ACTR3C: variants seen among roughly 807,000 people sequenced by gnomAD.
The protein encoded by ACTR3C is actin related protein 3C, also known as actin-related protein 3C.
In ACTR3C, 18 loss-of-function variants were observed where a neutral mutation model predicts 26.3. That is an observed-to-expected ratio of 0.68 (90% CI 0.47 to 1.01). The LOEUF (loss-of-function observed/expected upper bound fraction) is 1.01. Ranked by LOEUF, ACTR3C falls within the 50% of genes least tolerant of loss-of-function variation. The probability of loss-of-function intolerance (pLI) is 0.00; values close to 1 mark genes in which losing one functional copy is unlikely to be tolerated. For synonymous variants in ACTR3C, 55 were observed against 94.5 expected (o/e 0.58, Z 2.42); for missense variants, 184 against 250.7 (o/e 0.73, Z 1.80).
chr7:150,227,688 G>GTTTTTTTTTT, the ACTR3C span, among the ~76,000 whole-genome samples: 39 of 111,368 alleles, frequency 3.5e-4, no homozygotes, highest in African/African-American at 1.1e-3. Context: ...TTGTGTCTGG[G>GTTTTTTTTTT]TTTTTTTTTT....
chr7:149,904,770 A>G, the ACTR3C span, among the ~76,000 whole-genome samples: 2 of 150,638 alleles, frequency 1.3e-5, no homozygotes, highest in African/African-American at 4.9e-5. Flanking sequence ...CCAAGGCAGG[A>G]GGATCATGAG....
At chr7:150,198,500 C>T in the ACTR3C span, among the ~76,000 whole-genome samples, 303 of 144,776 alleles carry the variant, frequency 2.1e-3, 5 homozygotes, top group African/African-American at 7.7e-3. Context: ...CCCGCCGCCC[C>T]ATCTGGGATG....
At chr7:150,309,492 G>T (rs925629209) in intron 1 of ACTR3C, among the ~76,000 whole-genome samples, 2 of 152,188 alleles carry the variant, frequency 1.3e-5, no homozygotes, top group African/African-American at 4.8e-5. Context: ...AAGCGGCAAC[G>T]CATTTCAGAG....
chr7:150,299,872 G>A (rs566784464), intron 1 of ACTR3C, among the ~76,000 whole-genome samples: 2 of 152,152 alleles, frequency 1.3e-5, no homozygotes, highest in African/African-American at 4.8e-5. Context: ...AGATGGAAAA[G>A]TTCTAGAATC....
the ACTR3C span, among the ~76,000 whole-genome samples, chr7:150,080,179 CT>C: frequency 1.4e-4 from 22 of 151,772 alleles, no homozygotes; most frequent in African/African-American, 4.8e-4. Flanking sequence ...CTAGGCTAAT[CT>C]TTTAATGTTC....
the ACTR3C span, among the ~76,000 whole-genome samples, chr7:150,169,907 T>C: frequency 6.6e-6 from 1 of 150,636 alleles, no homozygotes; most frequent in African/African-American, 2.5e-5. Flanking sequence ...TTTCCCCGTT[T>C]TCTTCTTCTC....
the ACTR3C span, among the ~76,000 whole-genome samples, chr7:150,076,824 ATT>A: frequency 5.1e-4 from 78 of 152,276 alleles, no homozygotes; most frequent in African/African-American, 1.9e-3. Flanking sequence ...ATTCCAAAGT[ATT>A]TTTGGAGGCG....
At chr7:149,909,245 A>T in the ACTR3C span, among the ~76,000 whole-genome samples, 2 of 123,908 alleles carry the variant, frequency 1.6e-5, no homozygotes, top group African/African-American at 6.6e-5. Context: ...AAAAACAGTC[A>T]TCAGGCCTAT....
chr7:150,254,428 A>C (rs1833065985), intron 6 of ACTR3C, among the ~76,000 whole-genome samples: 1 of 152,178 alleles, frequency 6.6e-6, no homozygotes. Flanking sequence ...TTAAATAAAC[A>C]TAAAAATTGA....
chr7:149,918,191 C>G, the ACTR3C span, among the ~76,000 whole-genome samples: 1 of 151,632 alleles, frequency 6.6e-6, no homozygotes, highest in Non-Finnish European at 1.5e-5. Context: ...TATGTTACTT[C>G]GTATATATAA....
the ACTR3C span, among the ~76,000 whole-genome samples, chr7:149,996,729 C>T: frequency 6.8e-6 from 1 of 146,702 alleles, no homozygotes; most frequent in East Asian, 2.1e-4. Flanking sequence ...CTTTACAAAC[C>T]AAACATAACC....
chr7:150,113,701 T>C, the ACTR3C span, among the ~76,000 whole-genome samples: 2 of 152,340 alleles, frequency 1.3e-5, no homozygotes, highest in African/African-American at 2.4e-5. Flanking sequence ...TCTTGGTGCA[T>C]TGCAACTTTT....
At chr7:149,934,150 C>T in the ACTR3C span, among the ~76,000 whole-genome samples, 28 of 146,338 alleles carry the variant, frequency 1.9e-4, no homozygotes, top group East Asian at 6.1e-4. Flanking sequence ...CACTCAACAC[C>T]AGCAATGATC....
At chr7:150,039,273 G>A in the ACTR3C span, among the ~76,000 whole-genome samples, 1 of 151,456 alleles carries the variant, frequency 6.6e-6, no homozygotes, top group East Asian at 2.0e-4. Context: ...GCCTCGGGGG[G>A]GTGCCTCCCC....
the ACTR3C span, among the ~76,000 whole-genome samples, chr7:150,162,557 C>T: frequency 6.6e-6 from 1 of 152,052 alleles, no homozygotes; most frequent in Non-Finnish European, 1.5e-5. Flanking sequence ...CCTTGTGATT[C>T]GCCCACCTCG....
chr7:150,270,945 A>T (rs1658037040), intron 6 of ACTR3C, among the ~76,000 whole-genome samples: 1 of 152,030 alleles, frequency 6.6e-6, no homozygotes, highest in Non-Finnish European at 1.5e-5. Flanking sequence ...CTCTGGATAT[A>T]CTTCAAAATC....
At chr7:150,313,144 C>G (rs1267860919) in intron 1 of ACTR3C, among the ~76,000 whole-genome samples, 1 of 152,202 alleles carries the variant, frequency 6.6e-6, no homozygotes, top group East Asian at 1.9e-4. Context: ...ACTACCTACC[C>G]AAGTCCTATA....
At chr7:150,237,706 G>A in the ACTR3C span, among the ~76,000 whole-genome samples, 1 of 152,088 alleles carries the variant, frequency 6.6e-6, no homozygotes, top group East Asian at 1.9e-4. Context: ...AATAACGGGA[G>A]TATGGCAGGG....
At chr7:150,193,619 C>T in the ACTR3C span, among the ~76,000 whole-genome samples, 108 of 142,914 alleles carry the variant, frequency 7.6e-4, no homozygotes, top group African/African-American at 7.7e-4. Flanking sequence ...AGTTTATTTA[C>T]ACTTTGATGT....
Sources: gnomAD v4.1 joint callset for allele counts (sites outside exome capture counted in the v4.1 genomes callset) on GRCh38, gnomAD v4.1.1 for gene constraint, MANE v1.5 for transcripts, NCBI Gene and HGNC (gene_info 2026-07-23, HGNC 2026-07-21) for gene names.